Variants in DLG2 observed in about 807,000 individuals in gnomAD.
DLG2 encodes disks large homolog 2.
A neutral mutation model predicts 132.5 loss-of-function variants in DLG2; 45 were observed. That is an observed-to-expected ratio of 0.34 (90% CI 0.27 to 0.44). The LOEUF is 0.44. DLG2 is among the 20% of genes least tolerant of loss of function. DLG2 has a pLI of 1.00. For synonymous variants in DLG2, 424 were observed against 419.6 expected, an observed-to-expected ratio of 1.01 and a Z score of -0.13; for missense variants, 1,045 against 1,196.9, an observed-to-expected ratio of 0.87 and a Z score of 1.87.
intron 3 of DLG2, among the ~76,000 whole-genome samples, chr11:85,357,795 T>C (rs893910725): frequency 1.4e-5 from 2 of 144,436 alleles, no homozygotes; most frequent in African/African-American, 5.1e-5. Flanking sequence ...CATGTGCACA[T>C]TTTATCCTCA....
At chr11:85,620,954 T>C (rs1472142035) in intron 2 of DLG2, among the ~76,000 whole-genome samples, 7 of 152,200 alleles carry the variant, frequency 4.6e-5, no homozygotes, top group Admixed American at 2.0e-4. Flanking sequence ...AAGAAAATGC[T>C]AGAGAGAAAT....
chr11:85,069,399 C>A (rs1462378271), intron 6 of DLG2, among the ~76,000 whole-genome samples: 1 of 152,034 alleles, frequency 6.6e-6, no homozygotes, highest in Admixed American at 6.6e-5. Context: ...TTGCAAGCTA[C>A]GCATCTGACA....
At chr11:85,582,272 G>T (rs1216387477) in intron 3 of DLG2, among the ~76,000 whole-genome samples, 1 of 152,116 alleles carries the variant, frequency 6.6e-6, no homozygotes, top group Non-Finnish European at 1.5e-5. Context: ...GATTGATATG[G>T]GAACTATAGA....
intron 6 of DLG2, among the ~76,000 whole-genome samples, chr11:84,859,419 T>C (rs573248959): frequency 6.9e-6 from 1 of 144,384 alleles, no homozygotes; most frequent in Admixed American, 7.0e-5. Flanking sequence ...TATATATGTA[T>C]ACATATACAT....
intron 6 of DLG2, among the ~76,000 whole-genome samples, chr11:84,969,120 A>T (rs2053720648): frequency 6.6e-6 from 1 of 151,824 alleles, no homozygotes. Flanking sequence ...CCTTTGTTCT[A>T]ATCTGAAACA....
intron 10 of DLG2, among the ~76,000 whole-genome samples, chr11:84,095,343 T>C (rs2097151423): frequency 6.6e-6 from 1 of 152,212 alleles, no homozygotes; most frequent in African/African-American, 2.4e-5. Flanking sequence ...GTAGGTATTA[T>C]TGTCACCACT....
At chr11:85,528,161 T>A (rs181545967) in intron 3 of DLG2, among the ~76,000 whole-genome samples, 111 of 152,342 alleles carry the variant, frequency 7.3e-4, no homozygotes, top group African/African-American at 2.6e-3. Context: ...GACAGTTTCT[T>A]TTGCTGAGCA....
At chr11:83,906,428 G>A (rs1596257999) in intron 15 of DLG2, among the ~76,000 whole-genome samples, 2 of 151,974 alleles carry the variant, frequency 1.3e-5, no homozygotes, top group South Asian at 2.1e-4. Context: ...AGGGGAGCAC[G>A]GAAGTATAAT....
chr11:83,726,106 AT>A (rs1315928089), intron 18 of DLG2, among the ~76,000 whole-genome samples: 2 of 152,218 alleles, frequency 1.3e-5, no homozygotes, highest in East Asian at 1.9e-4. Flanking sequence ...TAAATGTTTT[AT>A]TTTTTAAAAA....
intron 16 of DLG2, among the ~76,000 whole-genome samples, chr11:83,874,114 G>A (rs1041788717): frequency 2.0e-5 from 3 of 151,780 alleles, no homozygotes; most frequent in Admixed American, 1.3e-4. Flanking sequence ...GTGCGTGTGA[G>A]AGAGACAGAG....
intron 15 of DLG2, among the ~76,000 whole-genome samples, chr11:83,898,120 G>A (rs1019565852): frequency 6.6e-6 from 1 of 151,994 alleles, no homozygotes; most frequent in African/African-American, 2.4e-5. Context: ...GCAGATAAAA[G>A]TATCCTTTAG....
chr11:85,497,581 C>A (rs2093696308), intron 3 of DLG2, among the ~76,000 whole-genome samples: 1 of 152,000 alleles, frequency 6.6e-6, no homozygotes, highest in Non-Finnish European at 1.5e-5. Flanking sequence ...CAGAGAACAC[C>A]ACAAAGATAT....
chr11:83,809,774 G>A (rs1248381947), intron 17 of DLG2, among the ~76,000 whole-genome samples: 7 of 152,048 alleles, frequency 4.6e-5, no homozygotes, highest in African/African-American at 1.7e-4. Context: ...TTCAATTTTT[G>A]TATGGCCCTA....
chr11:84,229,140 C>A (rs1235898530), intron 8 of DLG2, among the ~76,000 whole-genome samples: 1 of 152,074 alleles, frequency 6.6e-6, no homozygotes, highest in East Asian at 1.9e-4. Context: ...AGATAAAATT[C>A]TTTGGCCATA....
intron 9 of DLG2, among the ~76,000 whole-genome samples, chr11:84,111,118 G>T (rs1486728093): frequency 6.6e-6 from 1 of 152,080 alleles, no homozygotes; most frequent in African/African-American, 2.4e-5. Context: ...ATTCTATTGT[G>T]AGAATCAATG....
At chr11:83,960,522 T>C (rs2088343394) in intron 14 of DLG2, among the ~76,000 whole-genome samples, 1 of 152,032 alleles carries the variant, frequency 6.6e-6, no homozygotes, top group Non-Finnish European at 1.5e-5. Context: ...GATTACAAAA[T>C]ATATAATCTC....
At chr11:83,658,839 G>A (rs2073470114) in intron 18 of DLG2, among the ~76,000 whole-genome samples, 1 of 152,204 alleles carries the variant, frequency 6.6e-6, no homozygotes, top group Admixed American at 6.5e-5. Context: ...CAATGTACCA[G>A]GAGCTATACT....
intron 7 of DLG2, among the ~76,000 whole-genome samples, chr11:84,449,696 T>C (rs1020213155): frequency 1.3e-5 from 2 of 151,920 alleles, no homozygotes; most frequent in African/African-American, 4.8e-5. Context: ...ATCTTTATTG[T>C]TGTTTACTTA....
intron 3 of DLG2, among the ~76,000 whole-genome samples, chr11:85,584,407 G>T (rs1349471133): frequency 6.6e-6 from 1 of 150,576 alleles, no homozygotes; most frequent in East Asian, 2.0e-4. Context: ...TCCACTCGTT[G>T]GTTGATGGGC....
Sources: gnomAD v4.1 joint callset for allele counts (sites outside exome capture counted in the v4.1 genomes callset) on GRCh38, gnomAD v4.1.1 for gene constraint, MANE v1.5 for transcripts, NCBI Gene and HGNC (gene_info 2026-07-23, HGNC 2026-07-21) for gene names.